Variants in COMMD10 observed in about 807,000 individuals in gnomAD.
COMMD10 encodes COMM domain containing 10.
Under a neutral mutation model 28.9 loss-of-function variants are expected in COMMD10, and 33 were observed. The observed-to-expected ratio is 1.14, with a 90% CI of 0.87 to 1.53. The LOEUF (loss-of-function observed/expected upper bound fraction) is 1.53, where lower values mean the gene tolerates loss of function less well. COMMD10 is among the 40% of genes most tolerant of loss of function. The pLI is 0.00. For synonymous variants in COMMD10, 110 were observed against 81.7 expected, an observed-to-expected ratio of 1.35 and a Z score of -1.87; for missense variants, 310 against 233.4, an observed-to-expected ratio of 1.33 and a Z score of -2.14.
At chr5:116,094,318 C>G (rs1361884899) in intron 4 of COMMD10, among the ~76,000 whole-genome samples, 2 of 152,172 alleles carry the variant, frequency 1.3e-5, no homozygotes, top group East Asian at 3.8e-4. Flanking sequence ...TCAAACATCT[C>G]AACTGCAAAG....
intron 5 of COMMD10, among the ~76,000 whole-genome samples, chr5:116,246,302 A>T (rs368685012): frequency 6.6e-6 from 1 of 152,210 alleles, no homozygotes; most frequent in African/African-American, 2.4e-5. Flanking sequence ...TCTACAAGAA[A>T]AACTACAAAA....
chr5:116,091,373 TG>T (rs1480508039), intron 3 of COMMD10, among the ~76,000 whole-genome samples, 184 bp downstream of exon 3: 1 of 152,208 alleles, frequency 6.6e-6, no homozygotes, highest in African/African-American at 2.4e-5. Context: ...AAATATGAAT[TG>T]AGACTTCATT....
intron 5 of COMMD10, among the ~76,000 whole-genome samples, chr5:116,271,035 G>A (rs549537422): frequency 6.6e-6 from 1 of 151,586 alleles, no homozygotes; most frequent in Admixed American, 6.6e-5. Flanking sequence ...GAAATCACAG[G>A]TTTGGTGGGT....
chr5:116,134,767 G>A lies in COMMD10; in HGVS notation c.510+589G>A, dbSNP rs1580476499. ...CTCCCGAGTAGCTGGGACTACAGGC[G>A]CCTGCCACCTTGTCCGGCTAATTTT... On this transcript the variant is annotated intron_variant, in intron 5 of 6. Coordinates refer to ENST00000274458, the MANE Select transcript of COMMD10 (RefSeq NM_016144.4). Among the ~76,000 whole-genome samples the A allele has an allele frequency of 7.2e-5, 11 of 152,118 alleles. No individual in the cohort carries two copies. In the South Asian group the frequency reaches 2.1e-3, roughly 29 times the overall value.
chr5:116,233,747 G>C (rs984843034), intron 5 of COMMD10, among the ~76,000 whole-genome samples: 1 of 152,138 alleles, frequency 6.6e-6, no homozygotes, highest in Non-Finnish European at 1.5e-5. Flanking sequence ...GTATCTTCAT[G>C]AACAAGGAGA....
At chr5:116,275,424 C>A (rs1750879773) in intron 5 of COMMD10, among the ~76,000 whole-genome samples, 1 of 151,732 alleles carries the variant, frequency 6.6e-6, no homozygotes, top group East Asian at 1.9e-4. Flanking sequence ...TTTATTGACT[C>A]CAGAATGTAG....
chr5:116,281,820 T>C (rs370154476), intron 5 of COMMD10, among the ~76,000 whole-genome samples: 15 of 151,904 alleles, frequency 9.9e-5, no homozygotes, highest in East Asian at 3.9e-4. Flanking sequence ...GCTGGTGATA[T>C]TCAACATTTA....
intron 5 of COMMD10, among the ~76,000 whole-genome samples, chr5:116,185,335 G>C (rs971646237): frequency 1.3e-5 from 2 of 152,102 alleles, no homozygotes; most frequent in African/African-American, 4.8e-5. Flanking sequence ...GCATTTAACA[G>C]AACCTCAGGT....
chr5:116,291,375 T>A (rs996402188), intron 5 of COMMD10, 142 bp from the exon 6 acceptor site: 1 of 596,502 alleles, frequency 1.7e-6, no homozygotes, highest in Admixed American at 3.7e-5. Flanking sequence ...CTAGGAATCA[T>A]GGGGTTGAGT....
At chr5:116,101,347 A>G (rs993640203) in intron 4 of COMMD10, among the ~76,000 whole-genome samples, 1 of 152,072 alleles carries the variant, frequency 6.6e-6, no homozygotes, top group Non-Finnish European at 1.5e-5. Flanking sequence ...CCTTTTCTAT[A>G]CTATTTTCCA....
At chr5:116,130,206 T>C (rs1277704955) in intron 4 of COMMD10, among the ~76,000 whole-genome samples, 10 of 151,930 alleles carry the variant, frequency 6.6e-5, no homozygotes, top group Non-Finnish European at 1.2e-4. Flanking sequence ...ATGTGCTTAC[T>C]GTATGCGGGA....
chr5:116,089,520 C>T (rs570527432), intron 2 of COMMD10, among the ~76,000 whole-genome samples: 1 of 152,352 alleles, frequency 6.6e-6, no homozygotes, highest in South Asian at 2.1e-4. Flanking sequence ...TTTTGTTCTT[C>T]ACACTGAGGG....
intron 4 of COMMD10, among the ~76,000 whole-genome samples, chr5:116,131,233 A>C (rs1252524449): frequency 6.6e-6 from 1 of 152,002 alleles, no homozygotes; most frequent in Non-Finnish European, 1.5e-5. Flanking sequence ...AACTTGCTTA[A>C]GGTCAATTAG....
chr5:116,140,043 T>A (rs535832072), intron 5 of COMMD10, among the ~76,000 whole-genome samples: 2 of 151,888 alleles, frequency 1.3e-5, no homozygotes, highest in Non-Finnish European at 3.0e-5. Flanking sequence ...CTCCCCATTT[T>A]TTCCCTTTCC....
At chr5:116,251,042 C>G (rs562571979) in intron 5 of COMMD10, among the ~76,000 whole-genome samples, 36 of 151,884 alleles carry the variant, frequency 2.4e-4, no homozygotes, top group African/African-American at 8.5e-4. Flanking sequence ...GAAGCTTGCC[C>G]GTATCCAAAG....
intron 5 of COMMD10, among the ~76,000 whole-genome samples, chr5:116,261,484 C>G (rs1750442473): frequency 6.6e-6 from 1 of 151,646 alleles, no homozygotes; most frequent in Non-Finnish European, 1.5e-5. Flanking sequence ...CTTAGTAAAA[C>G]TCTTTTATCA....
At chr5:116,171,786 C>G (rs1753344127) in intron 5 of COMMD10, among the ~76,000 whole-genome samples, 1 of 151,716 alleles carries the variant, frequency 6.6e-6, no homozygotes, top group South Asian at 2.1e-4. Flanking sequence ...AGTGAGAACA[C>G]ATGGACACAG....
chr5:116,209,750 T>C (rs796834957), intron 5 of COMMD10, among the ~76,000 whole-genome samples: 2 of 152,182 alleles, frequency 1.3e-5, no homozygotes, highest in East Asian at 1.9e-4. Context: ...CTCTTAAATA[T>C]ATGTTTTTGT....
At chr5:116,227,366 C>T (rs1323035973) in intron 5 of COMMD10, among the ~76,000 whole-genome samples, 2 of 151,996 alleles carry the variant, frequency 1.3e-5, no homozygotes, top group Non-Finnish European at 2.9e-5. Flanking sequence ...GGTTATCCAG[C>T]CTCTTTATTC....
Sources: gnomAD v4.1 joint callset for allele counts (sites outside exome capture counted in the v4.1 genomes callset) on GRCh38, gnomAD v4.1.1 for gene constraint, MANE v1.5 for transcripts, NCBI Gene and HGNC (gene_info 2026-07-23, HGNC 2026-07-21) for gene names.